KDM3A: variants seen among roughly 807,000 people sequenced by gnomAD.
KDM3A encodes lysine-specific demethylase 3A.
In KDM3A, 60 loss-of-function variants were observed where a neutral mutation model predicts 158.0. That is an observed-to-expected ratio of 0.38 (90% CI 0.31 to 0.47). The LOEUF is 0.47. Ranked by LOEUF, KDM3A falls within the 20% of genes least tolerant of loss-of-function variation. The pLI is 0.99. For synonymous variants in KDM3A, 608 were observed against 549.3 expected (o/e 1.11, Z -1.49); for missense variants, 1,319 against 1,574.3 (o/e 0.84, Z 2.74).
At chr2:86,484,590 TG>T (rs750389133) in intron 19 of KDM3A, 3 of 254,386 alleles carry the variant, frequency 1.2e-5, no homozygotes, top group Non-Finnish European at 2.3e-5. Flanking sequence ...CTACATGCAG[TG>T]GGCAAAAGGG....
At position 86,466,403 on chromosome 2, in the gene KDM3A, T is replaced by C. The variant is rs1558616975; in HGVS notation, c.1039T>C (p.Ser347Pro). ...CHKQSLPEEI[S>P]SCLNTKSEAL... is the part of the protein sequence containing the mutation. Reference sequence around the variant, plus strand: ...TAAACAAAGTTTACCAGAGGAAATTTCTTCCTGTCTAAATACAAAGTCTGA... The same window carrying C: ...TAAACAAAGTTTACCAGAGGAAATTCCTTCCTGTCTAAATACAAAGTCTGA... Residue 347 changes from serine (S) to proline (P), a missense_variant, in exon 10 of 26, where the codon TCT (serine) becomes CCT (proline). By Grantham distance (74) the Ser-to-Pro change is moderately conservative. Around this residue, in one of 4 missense-constraint regions of KDM3A, gnomAD observed 652 missense variants for 627.2 expected, o/e 1.04. Coordinates refer to ENST00000312912, the MANE Select transcript of KDM3A (RefSeq NM_018433.6). The C allele has an allele frequency of 1.2e-6, 2 of 1,611,784 alleles. No homozygotes were observed. Among genetic ancestry groups the C allele is most frequent in the African/African-American group, 2.7e-5 (2 of 74,776 alleles).
At chr2:86,479,984 C>G (rs750032120) in intron 15 of KDM3A, 183 bp from the exon 16 acceptor site, 6 of 599,916 alleles carry the variant, frequency 1.0e-5, no homozygotes, top group Non-Finnish European at 1.8e-5. Flanking sequence ...ATCTCTCCTA[C>G]CTTTTAGTTA....
intron 13 of KDM3A, 39 bp downstream of exon 13, chr2:86,478,068 A>G (rs780795903): frequency 4.3e-6 from 7 of 1,612,514 alleles, no homozygotes; most frequent in African/African-American, 1.3e-5. Flanking sequence ...CCCTCTACAC[A>G]GTTAAATCAA....
rs368315222 is a variant in KDM3A at position 86,455,071 on chromosome 2, C to G, written c.454-14C>G. 3 of 1,451,556 alleles carry G rather than the reference C, an allele frequency of 2.1e-6. No homozygotes were observed. Among genetic ancestry groups the G allele is most frequent in the Middle Eastern group, 1.8e-4 (1 of 5,634 alleles). 89.9% of individuals were successfully genotyped at this position (1,451,556 alleles called of 1,614,324 possible). ...ACTGTTACCCTTAACATGTAATGAT[C>G]TTTCATTTTTCAGGATGTAAACAGT... On this transcript the variant is annotated splice_polypyrimidine_tract_variant and intron_variant, in intron 4 of 25. Transcript: ENST00000312912.
At chr2:86,440,534 T>A (rs1682639252), upstream of KDM3A, 1 of 152,246 alleles carries the variant, frequency 6.6e-6, no homozygotes, top group African/African-American at 2.4e-5. Flanking sequence ...CTTCAACTAC[T>A]TTAAATTTCT....
chr2:86,441,992 C>T (rs1682740018), intron 1 of KDM3A, 26 bp from the exon 2 acceptor site: 2 of 1,558,390 alleles, frequency 1.3e-6, no homozygotes, highest in South Asian at 1.1e-5. Context: ...CCGCCCCCGT[C>T]GCATTTTGTT....
chr2:86,483,933 A>G (rs1674060221), intron 18 of KDM3A, 54 bp from the exon 19 acceptor site: 2 of 1,426,658 alleles, frequency 1.4e-6, no homozygotes, highest in Non-Finnish European at 1.9e-6. Context: ...TGCCTTCGGG[A>G]GTGGGGACAG....
intron 5 of KDM3A, among the ~76,000 whole-genome samples, chr2:86,456,157 A>G (rs1672686696): frequency 6.6e-6 from 1 of 151,844 alleles, no homozygotes; most frequent in Non-Finnish European, 1.5e-5. Context: ...CAGACATAGT[A>G]TTTTTGTTGG....
chr2:86,478,941 G>C, intron 15 of KDM3A: 1 of 446,554 alleles, frequency 2.2e-6, no homozygotes, highest in South Asian at 3.9e-5. Flanking sequence ...AGACTCTACT[G>C]TGGCCTCTTG....
Position 86,456,925 on chromosome 2 carries a change from T to C in KDM3A, c.754+48T>C, listed in dbSNP as rs911979872. 3.2e-6 allele frequency: 5 copies of C among 1,568,756 alleles called. No individual in the cohort carries two copies. The Admixed American group carries it at 6.8e-5, about 21-fold the overall frequency. ...TTCTTCTCCTTCCTCCTTTCCTCCG[T>C]TCTTCTCACATTAAGAGAAACAGGG... On this transcript the variant is annotated intron_variant, in intron 7 of 25. Coordinates refer to ENST00000312912, the MANE Select transcript of KDM3A (RefSeq NM_018433.6).
intron 9 of KDM3A, among the ~76,000 whole-genome samples, chr2:86,464,421 A>G (rs912209471): frequency 1.3e-5 from 2 of 152,208 alleles, no homozygotes; most frequent in East Asian, 1.9e-4. Context: ...GGGGCATGAG[A>G]AAAGAGACTG....
rs1005423540 is a variant in KDM3A at position 86,468,060 on chromosome 2, A to T, written c.1519+1177A>T. Among the ~76,000 whole-genome samples, 4 of 152,274 alleles carry T rather than the reference A, an allele frequency of 2.6e-5. No individual in the cohort carries two copies. The East Asian group carries it at 5.8e-4, about 22-fold the overall frequency. On this transcript the variant is annotated intron_variant, in intron 10 of 25. Coordinates refer to ENST00000312912, the MANE Select transcript of KDM3A (RefSeq NM_018433.6). ...ACAAACGAAAACAACCTACGAAAAC[A>T]ATTTATTTATTTGGATCAGTAAAAA...
At chr2:86,461,644 T>C (rs192232548) in intron 8 of KDM3A, among the ~76,000 whole-genome samples, 1 of 152,138 alleles carries the variant, frequency 6.6e-6, no homozygotes, top group Non-Finnish European at 1.5e-5. Flanking sequence ...ATGAAAGGTA[T>C]AAACAGAAAA....
chr2:86,486,526 A>G (rs995734956), intron 21 of KDM3A, among the ~76,000 whole-genome samples: 4 of 152,152 alleles, frequency 2.6e-5, no homozygotes, highest in African/African-American at 9.7e-5. Context: ...ATGCAGTTCT[A>G]GTTGTTTGAA....
chr2:86,470,175 C>A, intron 10 of KDM3A, 29 bp from the exon 11 acceptor site: 2 of 1,600,114 alleles, frequency 1.2e-6, no homozygotes, highest in Non-Finnish European at 1.7e-6. Flanking sequence ...AATTTGAGGT[C>A]CTGTCTCCTT....
chr2:86,466,857 C>A lies in KDM3A; in HGVS notation c.1493C>A (p.Ser498Ter). 1 of 1,603,930 alleles carries A rather than the reference C, an allele frequency of 6.2e-7. No individual in the cohort carries two copies. The highest frequency in any genetic ancestry group is 1.1e-5 in the South Asian group (1 of 90,114). The change falls in exon 10 of 26, where the codon TCA becomes TAA. Residue 498 changes from serine to a stop codon, truncating the protein, a stop_gained. Transcript: ENST00000312912. LOFTEE classifies it high-confidence loss of function. ...AAAGTAGATAATGAAAGCTGTTGTT[C>A]AAGAAGCAACAATAAAATCCAGAAT... ...SVKVDNESCC[S>*]RSNNKIQNAP...
chr2:86,473,605 C>T (rs1432923955), intron 11 of KDM3A, among the ~76,000 whole-genome samples: 3 of 152,098 alleles, frequency 2.0e-5, no homozygotes, highest in Non-Finnish European at 4.4e-5. Context: ...AGAAAATTAG[C>T]TGGGCGTGGT....
At chr2:86,467,885 C>T (rs559157214) in intron 10 of KDM3A, among the ~76,000 whole-genome samples, 3 of 152,048 alleles carry the variant, frequency 2.0e-5, no homozygotes, top group Admixed American at 1.3e-4. Context: ...ATCAGCCAGG[C>T]ATGGTGGGGC....
At position 86,480,325 on chromosome 2, in the gene KDM3A, C is replaced by T. The variant is rs35269985; in HGVS notation, c.2475C>T (p.Ala825=). 28,222 of 1,613,502 alleles carry T rather than the reference C, an allele frequency of 0.017. 307 individuals are homozygous for T. The highest frequency in any genetic ancestry group is 0.035 in the African/African-American group (2,627 of 74,962). Residue 825 remains alanine, a synonymous_variant, in exon 16 of 26, where the codon GCC becomes GCT. Transcript: ENST00000312912. ...GCACATCTCCTCTAAACTGGCTGGC[C>T]GACCTAACCAGCGGGAATGTCAACA... The part of the protein sequence containing the change: ...PASTSPLNWL[A]DLTSGNVNKE...
Sources: gnomAD v4.1 joint callset for allele counts (sites outside exome capture counted in the v4.1 genomes callset) on GRCh38, gnomAD v4.1.1 for gene constraint, gnomAD v4.1.1 regional missense constraint, MANE v1.5 for transcripts, NCBI Gene and HGNC (gene_info 2026-07-23, HGNC 2026-07-21) for gene names.